Variants in MYBPC1 observed in about 807,000 individuals in gnomAD.
MYBPC1 encodes myosin-binding protein C, slow-type.
MYBPC1 carries 52 observed loss-of-function variants against 147.1 expected under a neutral mutation model. The ratio of observed to expected loss-of-function variants is 0.35; its 90% CI spans 0.28 to 0.45. MYBPC1 has a LOEUF of 0.45. MYBPC1 is among the 20% of genes least tolerant of loss of function. MYBPC1 has a pLI of 1.00. For missense variants in MYBPC1, 1,228 were observed against 1,440.3 expected (o/e 0.85, Z 2.39); for synonymous variants, 477 against 475.9 (o/e 1.00, Z -0.03).
intron 9 of MYBPC1, 63 bp from the exon 10 acceptor site, chr12:101,636,609 G>C: frequency 7.2e-7 from 1 of 1,382,284 alleles, no homozygotes; most frequent in Non-Finnish European, 1.0e-6. Flanking sequence ...AGAGTGTTTG[G>C]GGGAAATTGT....
At chr12:101,614,285 G>A (rs1400733957) in intron 1 of MYBPC1, among the ~76,000 whole-genome samples, 1 of 152,118 alleles carries the variant, frequency 6.6e-6, no homozygotes, top group Non-Finnish European at 1.5e-5. Flanking sequence ...CAGCATGTAT[G>A]TCTTGGGCCT....
Position 101,677,276 on chromosome 12 carries a change from C to T in MYBPC1, c.2991C>T (p.Ala997=). The T allele has an allele frequency of 6.2e-7, 1 of 1,613,704 alleles. No homozygotes were observed. Among genetic ancestry groups the T allele is most frequent in the South Asian group, 1.1e-5 (1 of 91,070 alleles). ...TVIEHYHRTS[A]TITELVIGNE... is the part of the protein sequence containing the mutation. ...TTGAGCATTATCATCGAACCAGTGC[C>T]ACCATTACTGAATTGGTCATAGGGA... is the stretch of plus-strand genomic sequence containing the variant. The change falls in exon 27 of 32, where the codon GCC becomes GCT. Residue 997 remains alanine, a synonymous_variant. Transcript: ENST00000361466.
At chr12:101,608,449 T>C (rs1883069550) in intron 1 of MYBPC1, among the ~76,000 whole-genome samples, 1 of 152,250 alleles carries the variant, frequency 6.6e-6, no homozygotes, top group South Asian at 2.1e-4. Flanking sequence ...AAACCAACTG[T>C]ATTTACCTAG....
chr12:101,619,341 G>A (rs1000454585), intron 3 of MYBPC1, among the ~76,000 whole-genome samples: 3 of 151,766 alleles, frequency 2.0e-5, no homozygotes, highest in Non-Finnish European at 1.5e-5. Context: ...TGGACCTGTT[G>A]CCTCCATCAT....
At chr12:101,640,019 T>C (rs1276181060) in intron 10 of MYBPC1, among the ~76,000 whole-genome samples, 1 of 152,120 alleles carries the variant, frequency 6.6e-6, no homozygotes, top group African/African-American at 2.4e-5. Context: ...TACATCTTTT[T>C]TGGGTTTTTC....
At chr12:101,635,455 A>G (rs2136104639) in intron 9 of MYBPC1, among the ~76,000 whole-genome samples, 1 of 152,080 alleles carries the variant, frequency 6.6e-6, no homozygotes, top group African/African-American at 2.4e-5. Context: ...TTATAAATAA[A>G]TCAAAACTTT....
chr12:101,629,519 A>G lies in MYBPC1; in HGVS notation c.264A>G (p.Lys88=). 1.2e-6 allele frequency: 2 copies of G among 1,613,368 alleles called. No homozygotes were observed. Among genetic ancestry groups the G allele is most frequent in the South Asian group, 2.2e-5 (2 of 91,054 alleles). The change falls in exon 6 of 32, where the codon AAA becomes AAG. Residue 88 remains lysine, a synonymous_variant. Transcript: ENST00000361466. ...AGCTGTCCATCTTGTTCATTGAAAA[A>G]CCTCAAGGAGGAACAGTGAAAGTTG... ...NSQLSILFIE[K]PQGGTVKVGE...
At chr12:101,646,189 G>T (rs1893076869) in intron 12 of MYBPC1, among the ~76,000 whole-genome samples, 1 of 151,856 alleles carries the variant, frequency 6.6e-6, no homozygotes, top group South Asian at 2.1e-4. Flanking sequence ...TGTGAGTACT[G>T]ATTTTTATTT....
At chr12:101,602,757 A>G (rs903110691) in intron 1 of MYBPC1, among the ~76,000 whole-genome samples, 25 of 152,076 alleles carry the variant, frequency 1.6e-4, no homozygotes, top group Admixed American at 6.6e-5. Context: ...CATTCCCACC[A>G]CTATATTTCC....
At chr12:101,645,096 T>A (rs1422680019) in intron 12 of MYBPC1, among the ~76,000 whole-genome samples, 4 of 152,200 alleles carry the variant, frequency 2.6e-5, no homozygotes, top group East Asian at 1.9e-4. Context: ...CTCCCAATTT[T>A]AAAAAATAAA....
At chr12:101,624,002 C>T (rs73386383) in intron 3 of MYBPC1, among the ~76,000 whole-genome samples, 2,414 of 152,186 alleles carry the variant, frequency 0.016, 66 homozygotes, top group African/African-American at 0.055. Flanking sequence ...GAGGTGCTAA[C>T]GACCATATCA....
Position 101,675,748 on chromosome 12 carries a change from C to G in MYBPC1, c.2949+317C>G, listed in dbSNP as rs561750956. On this transcript the variant is annotated intron_variant, in intron 26 of 31. Coordinates refer to ENST00000361466, the MANE Select transcript of MYBPC1 (RefSeq NM_002465.4). ...ACAAAGCTAAAATGATATAAAGCAA[C>G]TGGTTCAATGTTCAGTAGAATTCAA... Among the ~76,000 whole-genome samples the G allele has an allele frequency of 5.0e-4, 76 of 152,356 alleles. 2 individuals are homozygous for G. The highest frequency in any genetic ancestry group is 1.7e-3 in the African/African-American group (69 of 41,590).
intron 19 of MYBPC1, 129 bp from the exon 20 acceptor site, chr12:101,661,029 G>A: frequency 1.6e-6 from 1 of 641,246 alleles, no homozygotes; most frequent in Non-Finnish European, 2.8e-6. Context: ...GCATAATTCA[G>A]TAAACATGGG....
intron 15 of MYBPC1, 31 bp downstream of exon 15, chr12:101,649,457 G>T: frequency 6.2e-7 from 1 of 1,609,968 alleles, no homozygotes. Context: ...TGTCTTCTCA[G>T]TGGGCTTATT....
chr12:101,595,350 T>C (rs1876785816), intron 1 of MYBPC1, among the ~76,000 whole-genome samples: 1 of 152,208 alleles, frequency 6.6e-6, no homozygotes, highest in Non-Finnish European at 1.5e-5. Flanking sequence ...TATCATTCAA[T>C]TGTAAAGAAT....
chr12:101,688,410 C>A (rs557782886), downstream of MYBPC1, among the ~76,000 whole-genome samples: 2 of 151,972 alleles, frequency 1.3e-5, no homozygotes, highest in Admixed American at 6.5e-5. Context: ...CAAAGTGAGA[C>A]CCTGTCTCAA....
At chr12:101,599,164 T>C (rs1177624969) in intron 1 of MYBPC1, among the ~76,000 whole-genome samples, 2 of 152,206 alleles carry the variant, frequency 1.3e-5, no homozygotes, top group East Asian at 3.8e-4. Flanking sequence ...AATTTTAAGG[T>C]GCCATTCTGA....
downstream of MYBPC1, among the ~76,000 whole-genome samples, chr12:101,690,227 G>A (rs9308313): frequency 0.56 from 85,740 of 151,836 alleles, 25,088 homozygotes; most frequent in Non-Finnish European, 0.64. Context: ...CCTTAAGTTC[G>A]GAATCTGCAT....
rs201859276 is a variant in MYBPC1, at chr12:101,678,260, T to A, written c.3246+22T>A. 3.1e-6 allele frequency: 5 copies of A among 1,612,744 alleles called. No homozygotes were observed. The African/African-American group carries it at 5.3e-5, about 17-fold the overall frequency. ...TAAGGTACCATGTTCTTCTATCACA[T>A]CAGTTAAAGTCCCTGTCTTGTATTT... On this transcript the variant is annotated intron_variant, in intron 28 of 31. Transcript: ENST00000361466.
Sources: allele counts gnomAD v4.1 joint callset (sites outside exome capture counted in the v4.1 genomes callset), GRCh38; gene constraint gnomAD v4.1.1; transcripts MANE v1.5; gene names NCBI Gene and HGNC (gene_info 2026-07-23, HGNC 2026-07-21).